SEMA4C: variants seen among roughly 807,000 people sequenced by gnomAD.
SEMA4C encodes semaphorin-4C.
A neutral mutation model predicts 89.0 loss-of-function variants in SEMA4C; 19 were observed. That is an observed-to-expected ratio of 0.21 (90% CI 0.15 to 0.31). The LOEUF is 0.31. Ranked by LOEUF, SEMA4C falls within the 10% of genes least tolerant of loss-of-function variation. The pLI, the probability that SEMA4C is intolerant of heterozygous loss-of-function variation, is 1.00. For missense variants in SEMA4C, 811 were observed against 1,107.0 expected (o/e 0.73, Z 3.79); for synonymous variants, 428 against 472.7 (o/e 0.91, Z 1.23).
At position 96,859,834 on chromosome 2, in the gene SEMA4C, C is replaced by T. The variant is rs1287974313; in HGVS notation, c.*792G>A. The T allele has an allele frequency of 6.6e-6, 1 of 152,190 alleles. No individual in the cohort carries two copies. The highest frequency in any genetic ancestry group is 6.5e-5 in the Admixed American group (1 of 15,290). The allele number at this position is 152,190 out of a possible 1,614,324, so 9.4% of individuals were successfully genotyped here. A position where few individuals can be genotyped will look rare whatever the true frequency, so the allele number is the denominator to read the frequency against. On this transcript the variant is annotated 3_prime_UTR_variant, in exon 15 of 15. Transcript: ENST00000305476. ...CACAATAAGTTACACTGTTAGGAGC[C>T]CTCCTCCTAGGGCTGGAAGAGAGTA...
chr2:96,861,659 G>A lies in SEMA4C; in HGVS notation c.1602-10C>T, dbSNP rs780732706. 1.3e-6 allele frequency: 2 copies of A among 1,586,250 alleles called. No homozygotes were observed. The highest frequency in any genetic ancestry group is 2.7e-5 in the African/African-American group (2 of 74,446). Reference sequence around the variant, plus strand: ...CTGGATCAGTAGAGATCTGGTAGGGGATGTAGGGTACATCAGCAGCCTGGC... The same window carrying A: ...CTGGATCAGTAGAGATCTGGTAGGGAATGTAGGGTACATCAGCAGCCTGGC... On this transcript the variant is annotated splice_polypyrimidine_tract_variant and intron_variant, in intron 13 of 14. Transcript: ENST00000305476. This position sits in a 1 kb window ranked among gnomAD's most constrained non-coding sequence, Gnocchi z 7.8.
At chr2:96,865,952 C>A (rs754038824) in intron 3 of SEMA4C, 23 bp from the exon 4 acceptor site, 3 of 1,612,292 alleles carry the variant, frequency 1.9e-6, no homozygotes, top group Non-Finnish European at 2.5e-6. Context: ...AAGGGGATGT[C>A]AGCCACGTTA....
rs371711785 is a variant in SEMA4C at position 96,860,299 on chromosome 2, TAC to T, written c.*325_*326del. ...GCGCGCACGCGCGTGCACACACACA[TAC>T]ACACACACACAAACACATGTGCAAA... On this transcript the variant is annotated 3_prime_UTR_variant, in exon 15 of 15. Transcript: ENST00000305476. 1.5e-3 allele frequency: 523 copies of T among 354,294 alleles called. No individual in the cohort carries two copies. Among genetic ancestry groups the T allele is most frequent in the Middle Eastern group, 2.3e-3 (3 of 1,302 alleles). The allele number at this position is 354,294 out of a possible 1,614,324, so 21.9% of individuals were successfully genotyped here.
In SEMA4C at chr2:96,861,965, A is replaced by T. The variant is rs1186067319; in HGVS notation, c.1444-71T>A. The T allele has an allele frequency of 6.6e-7, 1 of 1,509,632 alleles. No homozygotes were observed. 93.5% of individuals were successfully genotyped at this position (1,509,632 alleles called of 1,614,324 possible). On this transcript the variant is annotated intron_variant, in intron 12 of 14. Coordinates refer to ENST00000305476, the MANE Select transcript of SEMA4C (RefSeq NM_017789.5). The surrounding 1 kb of genome is among the most constrained non-coding windows in gnomAD (Gnocchi z 7.8). ...CCACGGGAGGGGCGGCCGGACCAGAACGCAGCATGGGGACAGCTTGGACTC... is the reference window on the plus strand; with the variant it reads ...CCACGGGAGGGGCGGCCGGACCAGATCGCAGCATGGGGACAGCTTGGACTC...
Position 96,861,958 on chromosome 2 carries a change from G to C in SEMA4C, c.1444-64C>G. The C allele has an allele frequency of 6.6e-7, 1 of 1,524,304 alleles. No individual in the cohort carries two copies. The highest frequency in any genetic ancestry group is 8.8e-7 in the Non-Finnish European group (1 of 1,132,350). 94.4% of individuals were successfully genotyped at this position (1,524,304 alleles called of 1,614,324 possible). The stretch of plus-strand genomic sequence containing the variant: ...GGCCACACCACGGGAGGGGCGGCCG[G>C]ACCAGAACGCAGCATGGGGACAGCT... On this transcript the variant is annotated intron_variant, in intron 12 of 14. Transcript: ENST00000305476. This position sits in a 1 kb window ranked among gnomAD's most constrained non-coding sequence, Gnocchi z 7.8.
In SEMA4C at chr2:96,869,884, C is replaced by T. The variant is rs2080168723; in HGVS notation, c.-46G>A. The stretch of plus-strand genomic sequence containing the variant: ...AGCCCGGCCTCGCTCACCTATTGCG[C>T]GCAGCTCCAGTCCCCGGGCGCCGCC... On this transcript the variant is annotated 5_prime_UTR_variant, in exon 1 of 15. Coordinates refer to ENST00000305476, the MANE Select transcript of SEMA4C (RefSeq NM_017789.5). 1 of 986,014 alleles carries T rather than the reference C, an allele frequency of 1.0e-6. No homozygotes were observed. Among genetic ancestry groups the T allele is most frequent in the Non-Finnish European group, 1.2e-6 (1 of 830,178 alleles). The allele number at this position is 986,014 out of a possible 1,614,324, so 61.1% of individuals were successfully genotyped here. A position where few individuals can be genotyped will look rare whatever the true frequency, so the allele number is the denominator to read the frequency against.
In SEMA4C at chr2:96,864,181, C is replaced by G. The variant is rs770089077; in HGVS notation, c.1108-33G>C. On this transcript the variant is annotated intron_variant, in intron 10 of 14. Coordinates refer to ENST00000305476, the MANE Select transcript of SEMA4C (RefSeq NM_017789.5). The surrounding 1 kb of genome is among the most constrained non-coding windows in gnomAD (Gnocchi z 6.3). ...CAGGGTGTGGGGGGCAGGCCATCAG[C>G]AGGGTGGGATGGCACCGCAGCTGGG... The G allele has an allele frequency of 3.1e-6, 5 of 1,612,630 alleles. No individual in the cohort carries two copies. The highest frequency in any genetic ancestry group is 1.7e-5 in the Admixed American group (1 of 59,994).
upstream of SEMA4C, chr2:96,870,752 G>A (rs1299877877): frequency 5.1e-6 from 5 of 985,516 alleles, no homozygotes; most frequent in Non-Finnish European, 6.0e-6. Context: ...AGTGGCATGA[G>A]CCCTACTGTT....
At position 96,860,550 on chromosome 2, in the gene SEMA4C, CCT is replaced by C; in HGVS notation, c.*74_*75del. 1 of 1,347,438 alleles carries C rather than the reference CCT, an allele frequency of 7.4e-7. No homozygotes were observed. The highest frequency in any genetic ancestry group is 1.0e-6 in the Non-Finnish European group (1 of 974,588). 83.5% of individuals were successfully genotyped at this position (1,347,438 alleles called of 1,614,324 possible). A position where few individuals can be genotyped will look rare whatever the true frequency, so the allele number is the denominator to read the frequency against. The stretch of plus-strand genomic sequence containing the variant: ...ACAGAGCAGGTGCCCGTGCCATGTC[CCT>C]GAGGTAGCTGGTGCCTGTGCAAAAG... On this transcript the variant is annotated 3_prime_UTR_variant, in exon 15 of 15. Transcript: ENST00000305476.
chr2:96,863,454 C>T, intron 12 of SEMA4C: 4 of 1,323,280 alleles, frequency 3.0e-6, no homozygotes, highest in Non-Finnish European at 3.9e-6. Flanking sequence ...GAGCGCAGCC[C>T]CGTGACCTGG....
At position 96,860,495 on chromosome 2, in the gene SEMA4C, C is replaced by G; in HGVS notation, c.*131G>C. The G allele has an allele frequency of 4.9e-6, 4 of 813,984 alleles. No individual in the cohort carries two copies. Among genetic ancestry groups the G allele is most frequent in the Non-Finnish European group, 7.5e-6 (4 of 533,998 alleles). 50.4% of individuals were successfully genotyped at this position (813,984 alleles called of 1,614,324 possible). On this transcript the variant is annotated 3_prime_UTR_variant, in exon 15 of 15. Coordinates refer to ENST00000305476, the MANE Select transcript of SEMA4C (RefSeq NM_017789.5). Reference sequence around the variant, plus strand: ...GCTGAGCAGAGCAGGTCCTCATGGCCGGGTGGGTGCTGGGCAGTATCTGTC... The same window carrying G: ...GCTGAGCAGAGCAGGTCCTCATGGCGGGGTGGGTGCTGGGCAGTATCTGTC...
chr2:96,864,466 G>C lies in SEMA4C; in HGVS notation c.963-84C>G, dbSNP rs1012790446. 6.3e-7 allele frequency: 1 copy of C among 1,575,172 alleles called. No homozygotes were observed. The highest frequency in any genetic ancestry group is 1.7e-5 in the Admixed American group (1 of 58,800). Reference sequence around the variant, plus strand: ...CTAAGGGCAAGCAGCAGGAAGGCAGGGCCTGGCACAAACTGGCCATGGGTA... The same window carrying C: ...CTAAGGGCAAGCAGCAGGAAGGCAGCGCCTGGCACAAACTGGCCATGGGTA... On this transcript the variant is annotated intron_variant, in intron 9 of 14. Transcript: ENST00000305476. This position sits in a 1 kb window ranked among gnomAD's most constrained non-coding sequence, Gnocchi z 6.3.
chr2:96,866,770 T>G, intron 2 of SEMA4C: 1 of 418,758 alleles, frequency 2.4e-6, no homozygotes, highest in Non-Finnish European at 4.6e-6. Flanking sequence ...CCACCCCACC[T>G]TCGCTTCCTC....
chr2:96,870,557 C>A (rs985822417), upstream of SEMA4C: 5 of 985,352 alleles, frequency 5.1e-6, no homozygotes, highest in African/African-American at 8.7e-5. Flanking sequence ...TGCCGTTTGG[C>A]CCCCAATTCT....
chr2:96,869,003 C>T, intron 1 of SEMA4C: 1 of 985,188 alleles, frequency 1.0e-6, no homozygotes, highest in Non-Finnish European at 1.2e-6. Flanking sequence ...CGTCCCGGGT[C>T]CCCCCGGGTT....
Position 96,865,064 on chromosome 2 carries a change from G to C in SEMA4C, c.686C>G (p.Thr229Arg). The C allele has an allele frequency of 1.9e-6, 3 of 1,558,598 alleles. No individual in the cohort carries two copies. The highest frequency in any genetic ancestry group is 1.7e-6 in the Non-Finnish European group (2 of 1,150,906). Residue 229 changes from threonine (T) to arginine (R), a missense_variant, in exon 8 of 15, where the codon ACG (threonine) becomes AGG (arginine). Around this residue, in one of 4 missense-constraint regions of SEMA4C, gnomAD observed 441 missense variants for 664.9 expected, o/e 0.66. Coordinates refer to ENST00000305476, the MANE Select transcript of SEMA4C (RefSeq NM_017789.5). ...GAAGTAGACCTTGTCGTCGTCCCCC[G>C]TGAAGCTGCCCACACTCTCAGGTAC... ...AYVPESVGSF[T>R]GDDDKVYFFF...
chr2:96,869,517 G>C lies in SEMA4C; in HGVS notation c.-38+359C>G, dbSNP rs545143615. 71 of 985,232 alleles carry C rather than the reference G, an allele frequency of 7.2e-5. No individual in the cohort carries two copies. In the African/African-American group the frequency reaches 1.2e-3, roughly 17 times the overall value. The allele number at this position is 985,232 out of a possible 1,614,324, so 61.0% of individuals were successfully genotyped here. The stretch of plus-strand genomic sequence containing the variant: ...CAGGGAAATCCGATCCCACAACATC[G>C]GCCTCCCTCCAAGCCCGCCCCAAAC... On this transcript the variant is annotated intron_variant, in intron 1 of 14. Transcript: ENST00000305476.
chr2:96,869,312 G>T (rs1461944745), intron 1 of SEMA4C: 1 of 985,242 alleles, frequency 1.0e-6, no homozygotes, highest in Non-Finnish European at 1.2e-6. Context: ...GAGGGGTGCG[G>T]GATCCAGGCG....
In SEMA4C at chr2:96,865,672, G is replaced by A. The variant is rs1321893483; in HGVS notation, c.414C>T (p.Thr138=). Residue 138 remains threonine (T), a synonymous_variant, in exon 5 of 15, where the codon ACC becomes ACT. Transcript: ENST00000305476. ...CGTYAFQPKC[T]YVNMLTFTLE... Reference sequence around the variant, plus strand: ...GTAGGAGGGCAGCACTCACGACGTAGGTGCACTTGGGCTGGAAGGCGTAGG... The same window carrying A: ...GTAGGAGGGCAGCACTCACGACGTAAGTGCACTTGGGCTGGAAGGCGTAGG... 4 of 1,613,646 alleles carry A rather than the reference G, an allele frequency of 2.5e-6. No homozygotes were observed. In the Middle Eastern group the frequency reaches 4.9e-4, roughly 200 times the overall value.
Sources: allele counts gnomAD v4.1 joint callset, GRCh38; gene constraint gnomAD v4.1.1; regional missense constraint gnomAD v4.1.1; non-coding constraint Gnocchi (gnomAD v3.1); transcripts MANE v1.5; gene names NCBI Gene and HGNC (gene_info 2026-07-23, HGNC 2026-07-21).